The following LRP4 variants were observed in gnomAD, a reference collection of about 807,000 sequenced individuals.
LRP4 encodes low-density lipoprotein receptor-related protein 4.
A neutral mutation model predicts 220.3 loss-of-function variants in LRP4; 95 were observed. That is an observed-to-expected ratio of 0.43 (90% confidence interval 0.37 to 0.51). LRP4 has a LOEUF of 0.51. LRP4 is among the 20% of genes least tolerant of loss of function. The probability of loss-of-function intolerance (pLI) is 0.00; values close to 1 mark genes in which losing one functional copy is unlikely to be tolerated. For synonymous variants in LRP4, 903 were observed against 954.6 expected, an observed-to-expected ratio of 0.95 and a Z score of 1.00; for missense variants, 1,925 against 2,567.0, an observed-to-expected ratio of 0.75 and a Z score of 5.40.
Position 46,918,461 on chromosome 11 carries a change from G to C in LRP4, c.-82C>G. 9.2e-7 allele frequency: 1 copy of C among 1,089,884 alleles called. No homozygotes were observed. 67.5% of individuals were successfully genotyped at this position (1,089,884 alleles called of 1,614,324 possible). A position where few individuals can be genotyped will look rare whatever the true frequency, so the allele number is the denominator to read the frequency against. On this transcript the variant is annotated 5_prime_UTR_variant, in exon 1 of 38. Coordinates refer to ENST00000378623, the MANE Select transcript of LRP4 (RefSeq NM_002334.4). This position sits in a 1 kb window ranked among gnomAD's most constrained non-coding sequence, Gnocchi z 6.0. ...GGAGAAGCCCGCGGAGGGTCCCCGA[G>C]GGGGAAGCGTCCCGGGTGCACGGCG...
Position 46,875,328 on chromosome 11 carries a change from G to A in LRP4, c.3925+128C>T. ...AGAGAGAACACAGCCCAATCTGGAA[G>A]GGAGCTTAAACAGGTCACCGTCTTT... On this transcript the variant is annotated intron_variant, in intron 27 of 37. Transcript: ENST00000378623. The surrounding 1 kb of genome is among the most constrained non-coding windows in gnomAD (Gnocchi z 4.5). 1 of 954,048 alleles carries A rather than the reference G, an allele frequency of 1.0e-6. No homozygotes were observed. Among genetic ancestry groups the A allele is most frequent in the South Asian group, 1.4e-5 (1 of 71,864 alleles). 59.1% of individuals were successfully genotyped at this position (954,048 alleles called of 1,614,324 possible).
intron 1 of LRP4, among the ~76,000 whole-genome samples, chr11:46,903,254 G>A (rs558008561): frequency 6.6e-6 from 1 of 152,190 alleles, no homozygotes; most frequent in Non-Finnish European, 1.5e-5. Flanking sequence ...AGCACTTTGA[G>A]GGGCTGAGAT....
chr11:46,887,344 A>G (rs1213571980), intron 16 of LRP4, among the ~76,000 whole-genome samples: 1 of 152,170 alleles, frequency 6.6e-6, no homozygotes, highest in East Asian at 1.9e-4. Flanking sequence ...GTCAGGGGAC[A>G]GGGGGCTTTA....
In LRP4 at chr11:46,888,724, G is replaced by A. The variant is rs1219095426; in HGVS notation, c.2215+687C>T. On this transcript the variant is annotated intron_variant, in intron 16 of 37. Transcript: ENST00000378623. ...TTTACCCAGATTTCAGAGGGTCAGT[G>A]GGGTACACAGCAGTAAACAAGAACA... Among the ~76,000 whole-genome samples the A allele has an allele frequency of 3.9e-5, 6 of 152,282 alleles. No homozygotes were observed. The South Asian group carries it at 6.2e-4, about 16-fold the overall frequency.
intron 37 of LRP4, among the ~76,000 whole-genome samples, chr11:46,861,842 G>A (rs1178588316): frequency 6.6e-6 from 1 of 152,124 alleles, no homozygotes; most frequent in Non-Finnish European, 1.5e-5. Context: ...GCCGAGGCAG[G>A]TGGATCACCT....
intron 20 of LRP4, 107 bp from the exon 21 acceptor site, chr11:46,879,422 C>G: frequency 3.7e-6 from 4 of 1,071,364 alleles, no homozygotes; most frequent in Non-Finnish European, 5.6e-6. Flanking sequence ...CTAACACCTA[C>G]TGGGTGACCT....
At chr11:46,868,243 A>G in intron 33 of LRP4, 129 bp from the exon 34 acceptor site, 1 of 1,045,958 alleles carries the variant, frequency 9.6e-7, no homozygotes, top group Non-Finnish European at 1.4e-6. Flanking sequence ...CTTCATTAGT[A>G]GCCCTTCTTA....
At chr11:46,870,740 A>G (rs1365743537) in intron 31 of LRP4, among the ~76,000 whole-genome samples, 1 of 152,226 alleles carries the variant, frequency 6.6e-6, no homozygotes, top group Non-Finnish European at 1.5e-5. Context: ...TAAATGATCG[A>G]GAATTCCTGT....
In LRP4 at chr11:46,899,463, G is replaced by A. The variant is rs765171137; in HGVS notation, c.471C>T (p.Asp157=). 110 of 1,613,912 alleles carry A rather than the reference G, an allele frequency of 6.8e-5. No individual in the cohort carries two copies. The highest frequency in any genetic ancestry group is 9.0e-5 in the Non-Finnish European group (106 of 1,179,990). ...KCSDKEFRCS[D]GSCIAEHWYC... is the part of the protein sequence containing the mutation. ...ACCAATGCTCAGCAATGCAGCTTCC[G>A]TCACTACAGCGGAACTCCTTGTCGG... is the stretch of plus-strand genomic sequence containing the variant. Residue 157 remains aspartate (D), a synonymous_variant, in exon 5 of 38, where the codon GAC becomes GAT. Coordinates refer to ENST00000378623, the MANE Select transcript of LRP4 (RefSeq NM_002334.4). The surrounding 1 kb of genome is among the most constrained non-coding windows in gnomAD (Gnocchi z 5.9).
chr11:46,865,796 C>G (rs988048251), intron 34 of LRP4, among the ~76,000 whole-genome samples: 1 of 152,182 alleles, frequency 6.6e-6, no homozygotes, highest in Non-Finnish European at 1.5e-5. Flanking sequence ...AAATAGAACT[C>G]TGACAATAAG....
rs770279192 is a variant in LRP4 at position 46,895,190 on chromosome 11, C to T, written c.1285G>A (p.Asp429Asn). 41 of 1,613,924 alleles carry T rather than the reference C, an allele frequency of 2.5e-5. No homozygotes were observed. Among genetic ancestry groups the T allele is most frequent in the South Asian group, 2.0e-4 (18 of 91,078 alleles). The change falls in exon 11 of 38, where the codon GAC becomes AAC. Residue 429 changes from aspartate to asparagine, a missense_variant. Physicochemically the swap from Asp to Asn is conservative, Grantham distance 23. Transcript: ENST00000378623. ...WCETGYELRP[D>N]RRSCKALGPE... ...CCCAGAGCCTTGCAGCTGCGCCGGTCGGGCCGTAGTTCATAGCCTGTTTCA... is the reference window on the plus strand; with the variant it reads ...CCCAGAGCCTTGCAGCTGCGCCGGTTGGGCCGTAGTTCATAGCCTGTTTCA...
rs767046815 is a variant in LRP4 at position 46,875,703 on chromosome 11, G to C, written c.3700-22C>G. On this transcript the variant is annotated intron_variant, in intron 26 of 37. Coordinates refer to ENST00000378623, the MANE Select transcript of LRP4 (RefSeq NM_002334.4). The surrounding 1 kb of genome is among the most constrained non-coding windows in gnomAD (Gnocchi z 4.5). ...TTCGCTGCAGAGGAAGGAGAGGGTG[G>C]GGGGTGGTGATCAGCAGATTGGGAA... The C allele has an allele frequency of 1.7e-5, 27 of 1,611,918 alleles. No individual in the cohort carries two copies. Among genetic ancestry groups the C allele is most frequent in the East Asian group, 2.2e-5 (1 of 44,876 alleles).
In LRP4 at chr11:46,876,571, C is replaced by G. The variant is rs1941025237; in HGVS notation, c.3431G>C (p.Gly1144Ala). 6.2e-7 allele frequency: 1 copy of G among 1,614,192 alleles called. No homozygotes were observed. The highest frequency in any genetic ancestry group is 8.5e-7 in the Non-Finnish European group (1 of 1,180,040). Reference sequence around the variant, plus strand: ...GTTGCCCACTTCAATCCGGTTTGTTCCCGTGTCTGTCCAGTATACTTTCCG... The same window carrying G: ...GTTGCCCACTTCAATCCGGTTTGTTGCCGTGTCTGTCCAGTATACTTTCCG... ...IGRKVYWTDT[G>A]TNRIEVGNLD... Residue 1144 changes from glycine (G) to alanine (A), a missense_variant, in exon 25 of 38, where the codon GGA (glycine) becomes GCA (alanine). Physicochemically the swap from Gly to Ala is moderately conservative, Grantham distance 60. Coordinates refer to ENST00000378623, the MANE Select transcript of LRP4 (RefSeq NM_002334.4).
At chr11:46,892,928 C>T (rs1941452308) in intron 13 of LRP4, 45 bp downstream of exon 13, 10 of 1,605,974 alleles carry the variant, frequency 6.2e-6, no homozygotes, top group Non-Finnish European at 8.5e-6. Context: ...TGGGAGCTGT[C>T]CCGAGAGGTT....
At chr11:46,908,970 C>T (rs1166715333) in intron 1 of LRP4, among the ~76,000 whole-genome samples, 1 of 152,248 alleles carries the variant, frequency 6.6e-6, no homozygotes, top group Non-Finnish European at 1.5e-5. Flanking sequence ...GCCAAGGTCA[C>T]AAGGTAAGTA....
intron 16 of LRP4, 47 bp from the exon 17 acceptor site, chr11:46,886,580 G>C (rs771108188): frequency 4.0e-6 from 6 of 1,503,914 alleles, no homozygotes; most frequent in Non-Finnish European, 5.5e-6. Context: ...CTAAATCCAA[G>C]AACAGTGACA....
In LRP4 at chr11:46,890,247, A is replaced by C. The variant is rs765019310; in HGVS notation, c.1915+30T>G. The C allele has an allele frequency of 7.4e-6, 12 of 1,611,608 alleles. No individual in the cohort carries two copies. Among genetic ancestry groups the C allele is most frequent in the African/African-American group, 1.3e-5 (1 of 74,842 alleles). On this transcript the variant is annotated intron_variant, in intron 14 of 37. Coordinates refer to ENST00000378623, the MANE Select transcript of LRP4 (RefSeq NM_002334.4). The surrounding 1 kb of genome is among the most constrained non-coding windows in gnomAD (Gnocchi z 5.3). The stretch of plus-strand genomic sequence containing the variant: ...GCAGGGACGGGGGCAGGAGGACAAG[A>C]GATGAAGGAGACTGAAGGAAGGGGC...
At chr11:46,868,314 C>T (rs1431642858) in intron 33 of LRP4, among the ~76,000 whole-genome samples, 200 bp from the exon 34 acceptor site, 3 of 152,200 alleles carry the variant, frequency 2.0e-5, no homozygotes, top group Non-Finnish European at 4.4e-5. Flanking sequence ...ACAGCTGGCT[C>T]ACCAGTCAGG....
At chr11:46,894,561 C>T in intron 12 of LRP4, 28 bp downstream of exon 12, 1 of 1,545,216 alleles carries the variant, frequency 6.5e-7, no homozygotes, top group Non-Finnish European at 8.8e-7. Flanking sequence ...CATGGCTCTG[C>T]CCCTCTCCAT....
Sources: gnomAD v4.1 joint callset for allele counts (sites outside exome capture counted in the v4.1 genomes callset) on GRCh38, gnomAD v4.1.1 for gene constraint, Gnocchi (gnomAD v3.1) non-coding constraint, MANE v1.5 for transcripts, NCBI Gene and HGNC (gene_info 2026-07-23, HGNC 2026-07-21) for gene names.